ALS2: variants seen among roughly 807,000 people sequenced by gnomAD.
ALS2 encodes alsin.
ALS2 carries 117 observed loss-of-function variants against 203.4 expected under a neutral mutation model. The observed-to-expected ratio is 0.58, with a 90% confidence interval of 0.50 to 0.67. ALS2 has a LOEUF of 0.67. ALS2 is among the 30% of genes least tolerant of loss of function. The probability of loss-of-function intolerance (pLI) is 0.00; values close to 1 mark genes in which losing one functional copy is unlikely to be tolerated. For synonymous variants in ALS2, 718 were observed against 725.9 expected (o/e 0.99, Z 0.17); for missense variants, 1,715 against 1,989.4 (o/e 0.86, Z 2.62).
intron 13 of ALS2, among the ~76,000 whole-genome samples, chr2:201,730,579 G>A (rs141224524): frequency 1.1e-4 from 17 of 151,786 alleles, no homozygotes; most frequent in African/African-American, 4.1e-4. Flanking sequence ...GAAAATATCT[G>A]CCAATATCCA....
At chr2:201,767,662 C>T (rs2106103221) in intron 2 of ALS2, among the ~76,000 whole-genome samples, 2 of 151,560 alleles carry the variant, frequency 1.3e-5, no homozygotes, top group Middle Eastern at 6.8e-3. Flanking sequence ...GAGCTCGAGA[C>T]CAGCCTGGCT....
At chr2:201,750,932 C>T (rs1056300892) in intron 7 of ALS2, among the ~76,000 whole-genome samples, 1 of 150,878 alleles carries the variant, frequency 6.6e-6, no homozygotes, top group African/African-American at 2.4e-5. Flanking sequence ...TGGCTCACTG[C>T]AACCTCCGCC....
chr2:201,753,107 A>G (rs749538330), intron 7 of ALS2, 39 bp downstream of exon 7: 14 of 1,534,704 alleles, frequency 9.1e-6, no homozygotes, highest in Non-Finnish European at 1.3e-5. Context: ...TTGGCCTTCC[A>G]TGAAAATAAG....
intron 2 of ALS2, 82 bp downstream of exon 2, chr2:201,768,784 A>C: frequency 7.4e-7 from 1 of 1,349,482 alleles, no homozygotes; most frequent in Non-Finnish European, 1.1e-6. Flanking sequence ...AAGAAAATTA[A>C]ACTGAAGAGA....
chr2:201,709,443 T>C (rs768394718), intron 27 of ALS2, among the ~76,000 whole-genome samples: 1 of 152,204 alleles, frequency 6.6e-6, no homozygotes, highest in Non-Finnish European at 1.5e-5. Context: ...GGCTATTACA[T>C]AGAAACGCTC....
At chr2:201,730,203 T>C (rs1691469606) in intron 13 of ALS2, among the ~76,000 whole-genome samples, 1 of 152,220 alleles carries the variant, frequency 6.6e-6, no homozygotes, top group East Asian at 1.9e-4. Context: ...ACCACAGCAA[T>C]GAGCTTTTTG....
chr2:201,770,045 T>G (rs1673227988), intron 1 of ALS2, among the ~76,000 whole-genome samples: 1 of 152,234 alleles, frequency 6.6e-6, no homozygotes, highest in African/African-American at 2.4e-5. Flanking sequence ...TGATATTCAT[T>G]TAATAAATAC....
At chr2:201,711,380 T>C (rs1382841006) in intron 25 of ALS2, among the ~76,000 whole-genome samples, 2 of 152,222 alleles carry the variant, frequency 1.3e-5, no homozygotes, top group African/African-American at 4.8e-5. Context: ...ATGAAGATTC[T>C]ACAATAAATT....
intron 2 of ALS2, among the ~76,000 whole-genome samples, 178 bp from the exon 3 acceptor site, chr2:201,767,561 T>C (rs1266779253): frequency 6.6e-6 from 1 of 151,910 alleles, no homozygotes; most frequent in Non-Finnish European, 1.5e-5. Flanking sequence ...AAACAACTAT[T>C]TATATAAAAG....
At chr2:201,740,476 A>G (rs1163393974) in intron 11 of ALS2, among the ~76,000 whole-genome samples, 1 of 152,194 alleles carries the variant, frequency 6.6e-6, no homozygotes, top group Non-Finnish European at 1.5e-5. Context: ...AAATAGAGGT[A>G]TTATGAGATG....
chr2:201,706,325 G>A (rs1689709546), intron 29 of ALS2, among the ~76,000 whole-genome samples: 1 of 151,590 alleles, frequency 6.6e-6, no homozygotes, highest in Non-Finnish European at 1.5e-5. Context: ...GGTGGAGGTT[G>A]CAGTGAGCTG....
chr2:201,741,397 CAG>C (rs1692256057), intron 11 of ALS2: 1 of 331,674 alleles, frequency 3.0e-6, no homozygotes, highest in African/African-American at 2.1e-5. Context: ...TCTAAAGAAC[CAG>C]ACTTATTATA....
chr2:201,754,583 G>A lies in ALS2; in HGVS notation c.1560C>T (p.Leu520=), dbSNP rs1409536220. Residue 520 remains leucine (L), a synonymous_variant, in exon 6 of 34, where the codon CTC becomes CTT. Coordinates refer to ENST00000264276, the MANE Select transcript of ALS2 (RefSeq NM_020919.4). ...TPTYSGEADA[L]LPSLRTEVWT... is the part of the protein sequence containing the mutation. ...ACACTTCTGTTCTCAGAGAAGGCAGGAGCGCATCTGCTTCTCCACTGTATG... is the reference window on the plus strand; with the variant it reads ...ACACTTCTGTTCTCAGAGAAGGCAGAAGCGCATCTGCTTCTCCACTGTATG... 2 of 1,614,094 alleles carry A rather than the reference G, an allele frequency of 1.2e-6. No individual in the cohort carries two copies. Among genetic ancestry groups the A allele is most frequent in the Non-Finnish European group, 1.7e-6 (2 of 1,180,016 alleles).
At chr2:201,734,373 G>C (rs1156419197) in intron 12 of ALS2, among the ~76,000 whole-genome samples, 1 of 151,666 alleles carries the variant, frequency 6.6e-6, no homozygotes, top group Non-Finnish European at 1.5e-5. Context: ...TGCTCAGGTG[G>C]CTGAGGCAGG....
At position 201,760,930 on chromosome 2, in the gene ALS2, T is replaced by A; in HGVS notation, c.1064A>T (p.His355Leu). The change falls in exon 4 of 34, where the codon CAT (histidine) becomes CTT (leucine). Residue 355 changes from histidine (H) to leucine (L), a missense_variant. By Grantham distance (99) the His-to-Leu change is moderately conservative (BLOSUM62 -3). Around this residue, in one of 3 missense-constraint regions of ALS2, gnomAD observed 476 missense variants for 539.3 expected, o/e 0.88. Coordinates refer to ENST00000264276, the MANE Select transcript of ALS2 (RefSeq NM_020919.4). Reference sequence around the variant, plus strand: ...ATGCTCTGAGTCCTCTCTTACTGAATGATCTGACAGTTTCCGTAGGTATTC... The same window carrying A: ...ATGCTCTGAGTCCTCTCTTACTGAAAGATCTGACAGTTTCCGTAGGTATTC... ...VNEYLRKLSDHSVREDSEHGE... is the reference protein window; with the variant it reads ...VNEYLRKLSDLSVREDSEHGE... 1 of 1,614,228 alleles carries A rather than the reference T, an allele frequency of 6.2e-7. No individual in the cohort carries two copies. The highest frequency in any genetic ancestry group is 8.5e-7 in the Non-Finnish European group (1 of 1,180,032).
intron 8 of ALS2, among the ~76,000 whole-genome samples, chr2:201,747,162 AAAC>A (rs1177576527): frequency 2.6e-5 from 4 of 152,170 alleles, no homozygotes; most frequent in African/African-American, 9.7e-5. Flanking sequence ...AGGTAAAAGA[AAAC>A]AAACTAATAA....
chr2:201,715,910 T>A, intron 24 of ALS2, 71 bp from the exon 25 acceptor site: 1 of 1,564,104 alleles, frequency 6.4e-7, no homozygotes, highest in East Asian at 2.2e-5. Context: ...ACAGAAACTT[T>A]CTAACATACA....
chr2:201,727,242 G>C lies in ALS2; in HGVS notation c.2949C>G (p.Phe983Leu), dbSNP rs1424708619. The change falls in exon 17 of 34, where the codon TTC (phenylalanine) becomes TTG (leucine). Residue 983 changes from phenylalanine (F) to leucine (L), a missense_variant. By Grantham distance (22) the Phe-to-Leu change is conservative. Transcript: ENST00000264276. ...GLKITTPEEQ[F>L]TLISSTPQEK... ...CCTGGGGTGTAGATGAAATGAGAGT[G>C]AACTGCTCCTCAGGTGTAGTTATCT... 6.2e-7 allele frequency: 1 copy of C among 1,613,596 alleles called. No individual in the cohort carries two copies. The highest frequency in any genetic ancestry group is 2.2e-5 in the East Asian group (1 of 44,848).
Position 201,733,280 on chromosome 2 carries a change from T to G in ALS2, c.2576A>C (p.Glu859Ala). 1 of 1,613,794 alleles carries G rather than the reference T, an allele frequency of 6.2e-7. No individual in the cohort carries two copies. The highest frequency in any genetic ancestry group is 1.7e-5 in the Admixed American group (1 of 60,022). The part of the protein sequence containing the change: ...KVLLKLATCF[E>A]VASPEYQKLQ... ...GAGGTATACATGGGAGCTTACCACT[T>G]CAAAACAAGTAGCAAGCTTTAGCAA... is the stretch of plus-strand genomic sequence containing the variant. The change falls in exon 13 of 34, where the codon GAA (glutamate) becomes GCA (alanine). Residue 859 changes from glutamate (E) to alanine (A), a missense_variant. Coordinates refer to ENST00000264276, the MANE Select transcript of ALS2 (RefSeq NM_020919.4).
Sources: gnomAD v4.1 joint callset for allele counts (sites outside exome capture counted in the v4.1 genomes callset) on GRCh38, gnomAD v4.1.1 for gene constraint, gnomAD v4.1.1 regional missense constraint, MANE v1.5 for transcripts, NCBI Gene and HGNC (gene_info 2026-07-23, HGNC 2026-07-21) for gene names.